Variants in PTPA observed in about 807,000 individuals in gnomAD.
PTPA encodes the protein serine/threonine-protein phosphatase 2A activator.
A neutral mutation model predicts 43.6 loss-of-function variants in PTPA; 13 were observed. The ratio of observed to expected loss-of-function variants is 0.30; its 90% CI spans 0.19 to 0.47. The LOEUF (loss-of-function observed/expected upper bound fraction) is 0.47. Among genes scored for constraint, PTPA ranks in the 20% least tolerant of loss-of-function variants. PTPA has a pLI of 0.99. For missense variants in PTPA, 329 were observed against 411.9 expected (o/e 0.80, Z 1.74); for synonymous variants, 172 against 158.2 (o/e 1.09, Z -0.66).
chr9:129,119,219 G>A (rs7865243), intron 1 of PTPA: 4,346 of 154,728 alleles, frequency 0.028, 191 homozygotes, highest in African/African-American at 0.097. Context: ...GCCTGGTCTT[G>A]AACCCCTGGC....
chr9:129,129,047 A>G lies in PTPA; in HGVS notation c.279A>G (p.Pro93=), dbSNP rs200646201. ...ACAGGTGGATTGATGAGACTCCTCC[A>G]GTGGACCAGCCCTCTCGGTTTGGGA... ...TLDRWIDETP[P]VDQPSRFGNK... Residue 93 remains proline, a synonymous_variant, in exon 4 of 10, where the codon CCA becomes CCG. Transcript: ENST00000393370. 1.2e-6 allele frequency: 2 copies of G among 1,612,866 alleles called. No individual in the cohort carries two copies. The highest frequency in any genetic ancestry group is 2.2e-5 in the East Asian group (1 of 44,884).
At chr9:129,141,699 T>G (rs1175110322) in intron 8 of PTPA, 1 of 152,260 alleles carries the variant, frequency 6.6e-6, no homozygotes, top group African/African-American at 2.4e-5. Context: ...GAGCCGTCCT[T>G]GTGCCTGCCT....
chr9:129,123,863 A>G (rs953938337), intron 3 of PTPA, among the ~76,000 whole-genome samples: 1 of 151,898 alleles, frequency 6.6e-6, no homozygotes, highest in African/African-American at 2.4e-5. Flanking sequence ...TTTTATTTTT[A>G]GTAGAGACGG....
At chr9:129,118,095 C>G (rs1849009143) in intron 1 of PTPA, among the ~76,000 whole-genome samples, 3 of 150,458 alleles carry the variant, frequency 2.0e-5, no homozygotes. Context: ...CTCTGTCAAC[C>G]AGAGCTGGAG....
chr9:129,146,181 A>G (rs1404818093), intron 9 of PTPA, among the ~76,000 whole-genome samples: 1 of 151,906 alleles, frequency 6.6e-6, no homozygotes, highest in African/African-American at 2.4e-5. Flanking sequence ...TCTGGCCTGG[A>G]TCTGCGGCTG....
intron 2 of PTPA, among the ~76,000 whole-genome samples, chr9:129,121,803 C>A (rs1849264910): frequency 6.6e-6 from 1 of 152,238 alleles, no homozygotes; most frequent in Non-Finnish European, 1.5e-5. Flanking sequence ...TCCTTTGCTG[C>A]TTCTCATCCA....
intron 9 of PTPA, among the ~76,000 whole-genome samples, chr9:129,145,359 T>G (rs1351101868): frequency 2.0e-5 from 3 of 151,956 alleles, no homozygotes; most frequent in Admixed American, 1.3e-4. Flanking sequence ...TCACCAAGTC[T>G]TTGCAGTGTT....
intron 2 of PTPA, among the ~76,000 whole-genome samples, chr9:129,121,240 C>G (rs1367520647): frequency 1.3e-5 from 2 of 152,214 alleles, no homozygotes; most frequent in Non-Finnish European, 2.9e-5. Flanking sequence ...TGCTCCCGGC[C>G]TGGTGAGCTG....
At position 129,120,410 on chromosome 9, in the gene PTPA, G is replaced by A. The variant is rs144285019; in HGVS notation, c.32-103G>A. 9.0e-3 allele frequency: 7,766 copies of A among 867,308 alleles called. 490 individuals carry two copies. In the African/African-American group the frequency reaches 0.13, roughly 14 times the overall value. 53.7% of individuals were successfully genotyped at this position (867,308 alleles called of 1,614,324 possible). A position where few individuals can be genotyped will look rare whatever the true frequency, so the allele number is the denominator to read the frequency against. ...CTGGACTCCAGCCTGGGCAACAAGA[G>A]CAAAACTCCGTCTCAAGAAAAAAAA... On this transcript the variant is annotated intron_variant, in intron 1 of 9. Transcript: ENST00000393370.
At chr9:129,117,409 C>G (rs1343079637) in intron 1 of PTPA, among the ~76,000 whole-genome samples, 1 of 151,396 alleles carries the variant, frequency 6.6e-6, no homozygotes, top group Non-Finnish European at 1.5e-5. Flanking sequence ...TTTTTTTTCT[C>G]TTTTTTAAAT....
Position 129,147,367 on chromosome 9 carries a change from C to T in PTPA, c.895-20C>T, listed in dbSNP as rs372193768. ...GTGGTGTGGCCCTCACCACTCTGCT[C>T]ACCTGCTCCTTCCTCACAGTGCCTG... On this transcript the variant is annotated intron_variant, in intron 9 of 9. Transcript: ENST00000393370. The T allele has an allele frequency of 9.9e-6, 16 of 1,612,900 alleles. No homozygotes were observed. Among genetic ancestry groups the T allele is most frequent in the African/African-American group, 1.3e-5 (1 of 74,886 alleles).
At chr9:129,134,694 C>T (rs1031189299) in intron 5 of PTPA, 101 bp from the exon 6 acceptor site, 16 of 910,368 alleles carry the variant, frequency 1.8e-5, no homozygotes, top group Middle Eastern at 2.3e-4. Context: ...TGACCACCCT[C>T]CTCAGAGGGG....
At chr9:129,125,004 A>G (rs1849485149) in intron 3 of PTPA, among the ~76,000 whole-genome samples, 3 of 152,170 alleles carry the variant, frequency 2.0e-5, no homozygotes, top group Admixed American at 6.5e-5. Flanking sequence ...AGCCAGGCCC[A>G]TTAGTGGCTT....
intron 1 of PTPA, among the ~76,000 whole-genome samples, chr9:129,115,272 T>C (rs1215967561): frequency 6.6e-6 from 1 of 152,212 alleles, no homozygotes; most frequent in African/African-American, 2.4e-5. Flanking sequence ...AGTGCCAATT[T>C]ACTAATAGCA....
At chr9:129,125,162 A>G (rs1220630013) in intron 3 of PTPA, among the ~76,000 whole-genome samples, 2 of 152,130 alleles carry the variant, frequency 1.3e-5, no homozygotes, top group African/African-American at 4.8e-5. Context: ...AGGAAGGCTA[A>G]TTAAAGGGGA....
chr9:129,147,160 T>C (rs1215023870), intron 9 of PTPA, among the ~76,000 whole-genome samples: 3 of 138,430 alleles, frequency 2.2e-5, no homozygotes, highest in Non-Finnish European at 4.7e-5. Context: ...TTCTACCTTG[T>C]AGGTTTGGGC....
chr9:129,145,112 C>T (rs576475511), intron 9 of PTPA, among the ~76,000 whole-genome samples: 3 of 152,242 alleles, frequency 2.0e-5, no homozygotes, highest in East Asian at 3.9e-4. Flanking sequence ...AGGTAGATCA[C>T]CTGAGGTCAG....
At chr9:129,143,748 C>T (rs569709381) in intron 9 of PTPA, 65 of 258,766 alleles carry the variant, frequency 2.5e-4, no homozygotes, top group South Asian at 2.4e-3. Flanking sequence ...CCTGAGAGCC[C>T]GTTGGCTGGA....
chr9:129,140,095 G>A (rs1850663772), intron 8 of PTPA: 1 of 152,412 alleles, frequency 6.6e-6, no homozygotes, highest in Non-Finnish European at 1.5e-5. Context: ...ACTGACAGAG[G>A]AGCCATTTAC....
Sources: allele counts gnomAD v4.1 joint callset (sites outside exome capture counted in the v4.1 genomes callset), GRCh38; gene constraint gnomAD v4.1.1; transcripts MANE v1.5; gene names NCBI Gene and HGNC (gene_info 2026-07-23, HGNC 2026-07-21).